LHFPL6: variants seen among roughly 807,000 people sequenced by gnomAD.
LHFPL6 encodes LHFPL tetraspan subfamily member 6.
A neutral mutation model predicts 20.6 loss-of-function variants in LHFPL6; 9 were observed. The observed-to-expected ratio is 0.44, with a 90% CI of 0.26 to 0.76. The LOEUF (loss-of-function observed/expected upper bound fraction) is 0.76, where lower values mean the gene tolerates loss of function less well. Among genes scored for constraint, LHFPL6 ranks in the 30% least tolerant of loss-of-function variants. The probability of loss-of-function intolerance (pLI) is 0.20; values close to 1 mark genes in which losing one functional copy is unlikely to be tolerated. For missense variants in LHFPL6, 218 were observed against 253.5 expected (o/e 0.86, Z 0.95); for synonymous variants, 105 against 98.7 (o/e 1.06, Z -0.38).
intron 2 of LHFPL6, among the ~76,000 whole-genome samples, chr13:39,429,156 A>G (rs1329763983): frequency 6.6e-6 from 1 of 151,448 alleles, no homozygotes. Context: ...TCAAGTTGAC[A>G]GTGTTGTTCA....
At chr13:39,383,236 T>C (rs1326900402) in intron 2 of LHFPL6, among the ~76,000 whole-genome samples, 1 of 152,190 alleles carries the variant, frequency 6.6e-6, no homozygotes, top group Non-Finnish European at 1.5e-5. Flanking sequence ...CATGAAATTT[T>C]CAACACTCAG....
chr13:39,405,590 A>C (rs1174776999), intron 2 of LHFPL6, among the ~76,000 whole-genome samples: 1 of 152,214 alleles, frequency 6.6e-6, no homozygotes, highest in Non-Finnish European at 1.5e-5. Flanking sequence ...CCATTCCTAC[A>C]TTCAGCATGA....
chr13:39,568,073 T>C (rs1471083987), intron 2 of LHFPL6, among the ~76,000 whole-genome samples: 1 of 152,214 alleles, frequency 6.6e-6, no homozygotes, highest in Non-Finnish European at 1.5e-5. Flanking sequence ...TGGGAGTTAT[T>C]TTTTCTTGCC....
intron 2 of LHFPL6, among the ~76,000 whole-genome samples, chr13:39,558,425 T>A (rs140937102): frequency 6.6e-6 from 1 of 152,232 alleles, no homozygotes; most frequent in Non-Finnish European, 1.5e-5. Context: ...CAAAGTTCAA[T>A]AGGACATTTT....
chr13:39,420,923 G>A (rs1297609224), intron 2 of LHFPL6, among the ~76,000 whole-genome samples: 1 of 152,148 alleles, frequency 6.6e-6, no homozygotes, highest in Non-Finnish European at 1.5e-5. Context: ...CGTTCTTATA[G>A]ACAGCAATAT....
chr13:39,352,354 A>G (rs1173006319), intron 3 of LHFPL6, among the ~76,000 whole-genome samples: 1 of 152,214 alleles, frequency 6.6e-6, no homozygotes, highest in Non-Finnish European at 1.5e-5. Context: ...ATGAACCCTC[A>G]GAAGTTTGGC....
chr13:39,353,345 G>A (rs531838291), intron 3 of LHFPL6, among the ~76,000 whole-genome samples: 136 of 152,208 alleles, frequency 8.9e-4, no homozygotes, highest in Non-Finnish European at 1.6e-3. Context: ...CCTATAAAGA[G>A]AAGACCACCC....
At chr13:39,381,039 T>C (rs931605292) in intron 2 of LHFPL6, among the ~76,000 whole-genome samples, 1 of 152,130 alleles carries the variant, frequency 6.6e-6, no homozygotes, top group African/African-American at 2.4e-5. Context: ...AAGTCCACAC[T>C]AAATGTAATG....
At chr13:39,416,605 G>GT (rs1566106553) in intron 2 of LHFPL6, among the ~76,000 whole-genome samples, 1 of 152,162 alleles carries the variant, frequency 6.6e-6, no homozygotes, top group African/African-American at 2.4e-5. Context: ...GAGAACAGTG[G>GT]TATCAGTTTC....
intron 2 of LHFPL6, among the ~76,000 whole-genome samples, chr13:39,385,280 T>C (rs1351247955): frequency 6.6e-6 from 1 of 152,254 alleles, no homozygotes; most frequent in Non-Finnish European, 1.5e-5. Flanking sequence ...ATTTTAATAA[T>C]GCATTGACTA....
intron 3 of LHFPL6, among the ~76,000 whole-genome samples, chr13:39,363,094 T>C (rs1019969030): frequency 6.6e-6 from 1 of 152,174 alleles, no homozygotes; most frequent in South Asian, 2.1e-4. Context: ...TTGAAGGATT[T>C]TATACAAGCA....
chr13:39,432,966 C>G (rs1300517371), intron 2 of LHFPL6, among the ~76,000 whole-genome samples: 1 of 152,130 alleles, frequency 6.6e-6, no homozygotes, highest in Non-Finnish European at 1.5e-5. Flanking sequence ...AATACCAAAA[C>G]AGAAAATAAA....
intron 2 of LHFPL6, among the ~76,000 whole-genome samples, chr13:39,433,092 T>A (rs1227526978): frequency 6.6e-6 from 1 of 152,234 alleles, no homozygotes; most frequent in African/African-American, 2.4e-5. Context: ...TGGAGCCTTA[T>A]GCCAATTTAG....
chr13:39,518,052 G>A (rs112472650), intron 2 of LHFPL6, among the ~76,000 whole-genome samples: 194 of 152,148 alleles, frequency 1.3e-3, no homozygotes, highest in African/African-American at 4.3e-3. Context: ...ATCCATTCCC[G>A]CTAGGTGATC....
At chr13:39,489,548 T>G (rs9576824) in intron 2 of LHFPL6, among the ~76,000 whole-genome samples, 2,205 of 150,556 alleles carry the variant, frequency 0.015, 30 homozygotes, top group South Asian at 0.049. Context: ...AAGTATGCTG[T>G]GGCTTTTTTT....
chr13:39,348,762 G>A (rs754846824), intron 3 of LHFPL6, among the ~76,000 whole-genome samples: 11 of 152,146 alleles, frequency 7.2e-5, no homozygotes, highest in Non-Finnish European at 1.3e-4. Flanking sequence ...TATCCCCTGA[G>A]AGAGGCAGAG....
intron 2 of LHFPL6, among the ~76,000 whole-genome samples, chr13:39,416,377 G>A: frequency 7.0e-6 from 1 of 142,032 alleles, no homozygotes; most frequent in African/African-American, 2.6e-5. Context: ...AAAAAAAAAA[G>A]AGGAGGCATG....
At chr13:39,411,667 G>T (rs4142534) in intron 2 of LHFPL6, among the ~76,000 whole-genome samples, 2 of 152,092 alleles carry the variant, frequency 1.3e-5, no homozygotes, top group African/African-American at 4.8e-5. Context: ...ATGATTACTG[G>T]GGCCTGATTG....
chr13:39,472,101 C>G (rs1349424122), intron 2 of LHFPL6, among the ~76,000 whole-genome samples: 1 of 152,166 alleles, frequency 6.6e-6, no homozygotes, highest in Non-Finnish European at 1.5e-5. Flanking sequence ...CCTCCTCTAG[C>G]GCTCCATTCA....
Sources: gnomAD v4.1 joint callset for allele counts (sites outside exome capture counted in the v4.1 genomes callset) on GRCh38, gnomAD v4.1.1 for gene constraint, MANE v1.5 for transcripts, NCBI Gene and HGNC (gene_info 2026-07-23, HGNC 2026-07-21) for gene names.